Variants in KALRN observed in about 807,000 individuals in gnomAD.
KALRN encodes the protein kalirin.
In KALRN, 70 loss-of-function variants were observed where a neutral mutation model predicts 353.7. That is an observed-to-expected ratio of 0.20 (90% CI 0.16 to 0.24). KALRN has a LOEUF of 0.24. Ranked by LOEUF, KALRN falls within the 10% of genes least tolerant of loss-of-function variation. The pLI is 1.00. For missense variants in KALRN, 2,791 were observed against 3,756.7 expected, an observed-to-expected ratio of 0.74 and a Z score of 6.72; for synonymous variants, 1,391 against 1,434.8, an observed-to-expected ratio of 0.97 and a Z score of 0.69.
At chr3:124,116,171 G>C (rs976582803) in intron 1 of KALRN, among the ~76,000 whole-genome samples, 12 of 152,156 alleles carry the variant, frequency 7.9e-5, no homozygotes, top group African/African-American at 2.9e-4. Context: ...CTTTGGTCAT[G>C]GCTAGAGACT....
At chr3:124,173,894 A>G (rs1224962998) in intron 1 of KALRN, among the ~76,000 whole-genome samples, 2 of 152,132 alleles carry the variant, frequency 1.3e-5, no homozygotes, top group Non-Finnish European at 2.9e-5. Flanking sequence ...GATTACAGGC[A>G]TGAGCCACCG....
chr3:124,719,475 C>A lies in KALRN; in HGVS notation c.*5C>A, dbSNP rs770249253. 1 of 1,608,146 alleles carries A rather than the reference C, an allele frequency of 6.2e-7. No individual in the cohort carries two copies. Among genetic ancestry groups the A allele is most frequent in the Non-Finnish European group, 8.5e-7 (1 of 1,176,126 alleles). ...CGGGTGAACCAAGGGACGTAGCCAT[C>A]TCCCAGCCCCTATGGTTTCACATAG... On this transcript the variant is annotated 3_prime_UTR_variant, in exon 60 of 60. Transcript: ENST00000682506. This position sits in a 1 kb window ranked among gnomAD's most constrained non-coding sequence, Gnocchi z 5.3.
chr3:124,654,585 T>C (rs3772778), intron 38 of KALRN, among the ~76,000 whole-genome samples: 7,113 of 152,274 alleles, frequency 0.047, 289 homozygotes, highest in East Asian at 0.21. Flanking sequence ...TGCACAACTT[T>C]AGCATTTTAT....
chr3:124,658,370 T>G, intron 41 of KALRN, 61 bp from the exon 42 acceptor site: 62 of 1,310,640 alleles, frequency 4.7e-5, no homozygotes, highest in Non-Finnish European at 6.2e-5. Flanking sequence ...CACGGCACTC[T>G]GAGATTGAAC....
In KALRN at chr3:124,334,446, G is replaced by A. The variant is rs559509346; in HGVS notation, c.1598G>A (p.Arg533Gln). ...LESIWQHRKVRLHQRLQLCVF... is the reference protein window; with the variant it reads ...LESIWQHRKVQLHQRLQLCVF... Reference sequence around the variant, plus strand: ...AGCATCTGGCAGCACCGCAAGGTGCGGCTCCACCAGCGGCTGCAGCTCTGC... The same window carrying A: ...AGCATCTGGCAGCACCGCAAGGTGCAGCTCCACCAGCGGCTGCAGCTCTGC... The change falls in exon 9 of 60, where the codon CGG (arginine) becomes CAG (glutamine). Residue 533 changes from arginine (R) to glutamine (Q), a missense_variant. Coordinates refer to ENST00000682506, the MANE Select transcript of KALRN (RefSeq NM_001388419.1). This position sits in a 1 kb window ranked among gnomAD's most constrained non-coding sequence, Gnocchi z 4.2. 4 of 1,614,008 alleles carry A rather than the reference G, an allele frequency of 2.5e-6. No homozygotes were observed. Among genetic ancestry groups the A allele is most frequent in the South Asian group, 2.2e-5 (2 of 91,084 alleles).
At chr3:124,122,373 C>G (rs541320291) in intron 1 of KALRN, among the ~76,000 whole-genome samples, 1 of 152,226 alleles carries the variant, frequency 6.6e-6, no homozygotes, top group East Asian at 1.9e-4. Context: ...TAATGATATG[C>G]ATGAAAGCTT....
intron 1 of KALRN, among the ~76,000 whole-genome samples, chr3:124,102,867 A>G (rs1037992161): frequency 1.1e-4 from 16 of 152,266 alleles, no homozygotes; most frequent in African/African-American, 3.9e-4. Flanking sequence ...AAAAAGATAA[A>G]TGTAATTATT....
At position 124,246,517 on chromosome 3, in the gene KALRN, TTGGCTGGTTGTGTAGTCAGTTCTGGCA is replaced by T. The variant is rs534379915; in HGVS notation, c.263+11580_263+11606del. On this transcript the variant is annotated intron_variant, in intron 3 of 59. Transcript: ENST00000682506. ...TTGCCTCTGGATGTGTTTCAGCTCC[TTGGCTGGTTGTGTAGTCAGTTCTGGCA>T]TGGCTTAAAGTGGTTAACCTCTTTT... Among the ~76,000 whole-genome samples, 697 of 152,346 alleles carry T rather than the reference TTGGCTGGTTGTGTAGTCAGTTCTGGCA, an allele frequency of 4.6e-3. 4 individuals are homozygous for T. The highest frequency in any genetic ancestry group is 0.016 in the African/African-American group (673 of 41,576).
chr3:124,158,329 T>G (rs2069335300), intron 1 of KALRN, among the ~76,000 whole-genome samples: 1 of 152,208 alleles, frequency 6.6e-6, no homozygotes, highest in African/African-American at 2.4e-5. Context: ...CCCAGTCTAC[T>G]GAGGAGATGA....
At chr3:124,314,041 A>G (rs2078554285) in intron 6 of KALRN, among the ~76,000 whole-genome samples, 1 of 152,178 alleles carries the variant, frequency 6.6e-6, no homozygotes, top group Admixed American at 6.5e-5. Context: ...CTATAAAGAC[A>G]CATGCACACG....
At chr3:124,110,520 G>A (rs1267326232) in intron 1 of KALRN, among the ~76,000 whole-genome samples, 1 of 150,914 alleles carries the variant, frequency 6.6e-6, no homozygotes, top group African/African-American at 2.4e-5. Flanking sequence ...TACCACAAAT[G>A]TGGGTCTCTT....
Position 124,434,396 on chromosome 3 carries a change from C to T in KALRN, c.2919C>T (p.His973=). The stretch of plus-strand genomic sequence containing the variant: ...CCGAGGTGCTGCTCCAGGCCGGCCA[C>T]TACGATGCCGATGCCATCCGGGAAT... ...QKAEVLLQAG[H]YDADAIRECA... is the part of the protein sequence containing the mutation. The change falls in exon 17 of 60, where the codon CAC becomes CAT. Residue 973 remains histidine (H), a synonymous_variant. Transcript: ENST00000682506. 6.2e-7 allele frequency: 1 copy of T among 1,614,162 alleles called. No individual in the cohort carries two copies. The highest frequency in any genetic ancestry group is 2.2e-5 in the East Asian group (1 of 44,880).
chr3:124,166,193 G>A (rs1231628675), intron 1 of KALRN, among the ~76,000 whole-genome samples: 2 of 152,128 alleles, frequency 1.3e-5, no homozygotes, highest in Non-Finnish European at 2.9e-5. Context: ...TGTGGGACTT[G>A]TATTATCTCA....
At chr3:124,601,081 T>G (rs942964314) in intron 34 of KALRN, among the ~76,000 whole-genome samples, 2 of 152,192 alleles carry the variant, frequency 1.3e-5, no homozygotes, top group Non-Finnish European at 1.5e-5. Flanking sequence ...TGAGTCCCCC[T>G]CCTGACGTTA....
At chr3:124,697,816 A>C in intron 55 of KALRN, 92 bp downstream of exon 55, 1 of 1,266,032 alleles carries the variant, frequency 7.9e-7, no homozygotes, top group Non-Finnish European at 1.1e-6. Context: ...AAAATTTACC[A>C]TGCTAACCAT....
intron 34 of KALRN, among the ~76,000 whole-genome samples, chr3:124,582,430 G>T (rs1191218993): frequency 6.6e-6 from 1 of 152,192 alleles, no homozygotes; most frequent in African/African-American, 2.4e-5. Context: ...CTTGCCAAGA[G>T]AAACCATCAG....
At chr3:124,282,372 C>T (rs1331382797) in intron 5 of KALRN, among the ~76,000 whole-genome samples, 2 of 137,254 alleles carry the variant, frequency 1.5e-5, no homozygotes, top group South Asian at 4.7e-4. Flanking sequence ...TTCTGCCCTA[C>T]ATTTTTCTTT....
chr3:124,255,816 G>A (rs1435212820), intron 3 of KALRN, among the ~76,000 whole-genome samples: 1 of 152,284 alleles, frequency 6.6e-6, no homozygotes, highest in African/African-American at 2.4e-5. Context: ...GTAAAAATGT[G>A]AGTAAAAATT....
intron 43 of KALRN, among the ~76,000 whole-genome samples, chr3:124,660,105 A>AT (rs1051233475): frequency 8.6e-5 from 13 of 151,006 alleles, no homozygotes; most frequent in South Asian, 8.4e-4. Flanking sequence ...CTAATTTTTT[A>AT]TTTTTTTTGT....
Sources: gnomAD v4.1 joint callset for allele counts (sites outside exome capture counted in the v4.1 genomes callset) on GRCh38, gnomAD v4.1.1 for gene constraint, Gnocchi (gnomAD v3.1) non-coding constraint, MANE v1.5 for transcripts, NCBI Gene and HGNC (gene_info 2026-07-23, HGNC 2026-07-21) for gene names.